Variants in UBAC2 observed in about 807,000 individuals in gnomAD.
UBAC2 encodes UBA domain containing 2.
Under a neutral mutation model 44.0 loss-of-function variants are expected in UBAC2, and 26 were observed. The observed-to-expected ratio is 0.59, with a 90% confidence interval of 0.43 to 0.82. The LOEUF (loss-of-function observed/expected upper bound fraction) is 0.82, where lower values mean the gene tolerates loss of function less well. UBAC2 is among the 40% of genes least tolerant of loss of function. UBAC2 has a pLI of 0.00. For missense variants in UBAC2, 329 were observed against 419.4 expected, an observed-to-expected ratio of 0.78 and a Z score of 1.88; for synonymous variants, 155 against 154.3, an observed-to-expected ratio of 1.00 and a Z score of -0.04.
At chr13:99,227,820 CA>C (rs1049274650) in intron 1 of UBAC2, among the ~76,000 whole-genome samples, 41 of 152,260 alleles carry the variant, frequency 2.7e-4, no homozygotes, top group African/African-American at 9.1e-4. Flanking sequence ...AATACCAAAG[CA>C]AACCGTTCAT....
chr13:99,278,810 C>G (rs1447519486), intron 4 of UBAC2, among the ~76,000 whole-genome samples: 2 of 152,144 alleles, frequency 1.3e-5, no homozygotes, highest in South Asian at 2.1e-4. Context: ...ACTAAGAAAT[C>G]TGTCCAGGAA....
intron 1 of UBAC2, among the ~76,000 whole-genome samples, chr13:99,222,950 C>A (rs74895076): frequency 0.014 from 2,123 of 152,216 alleles, 53 homozygotes; most frequent in African/African-American, 0.049. Context: ...GTAGAATTCT[C>A]CCCTGAAGCC....
intron 1 of UBAC2, among the ~76,000 whole-genome samples, chr13:99,213,161 T>C (rs1455606092): frequency 6.6e-6 from 1 of 152,216 alleles, no homozygotes; most frequent in African/African-American, 2.4e-5. Flanking sequence ...ACATTTGATG[T>C]TCTTCCAACA....
At chr13:99,384,180 T>G (rs1024722465) in intron 8 of UBAC2, among the ~76,000 whole-genome samples, 1 of 152,114 alleles carries the variant, frequency 6.6e-6, no homozygotes, top group Admixed American at 6.5e-5. Flanking sequence ...CTCGCTCTCT[T>G]TCGGAAAGAA....
intron 1 of UBAC2, among the ~76,000 whole-genome samples, chr13:99,228,573 C>A (rs1404539939): frequency 6.6e-6 from 1 of 152,206 alleles, no homozygotes; most frequent in African/African-American, 2.4e-5. Flanking sequence ...GGATTATAGG[C>A]ATGAGCCACT....
At chr13:99,264,328 G>A (rs779604591) in intron 4 of UBAC2, among the ~76,000 whole-genome samples, 38 of 152,220 alleles carry the variant, frequency 2.5e-4, no homozygotes, top group Admixed American at 5.9e-4. Context: ...GGACCCACCA[G>A]CCTCTGGGAC....
chr13:99,320,686 C>A (rs2138782331), intron 6 of UBAC2, among the ~76,000 whole-genome samples: 1 of 152,240 alleles, frequency 6.6e-6, no homozygotes, highest in South Asian at 2.1e-4. Flanking sequence ...GGAACATTTT[C>A]TTTCTTTGTC....
At chr13:99,223,684 G>T (rs1443215361) in intron 1 of UBAC2, among the ~76,000 whole-genome samples, 2 of 150,158 alleles carry the variant, frequency 1.3e-5, no homozygotes, top group Non-Finnish European at 2.9e-5. Context: ...TTGCTTGGTT[G>T]TGCTTCATTT....
intron 4 of UBAC2, among the ~76,000 whole-genome samples, chr13:99,245,412 A>G (rs1594041636): frequency 6.6e-6 from 1 of 152,224 alleles, no homozygotes; most frequent in South Asian, 2.1e-4. Flanking sequence ...TTTGTAGACA[A>G]CCTGCCGTGG....
intron 4 of UBAC2, among the ~76,000 whole-genome samples, chr13:99,292,858 T>C (rs1001344720): frequency 6.6e-6 from 1 of 152,208 alleles, no homozygotes; most frequent in Non-Finnish European, 1.5e-5. Context: ...GTTGTGATTT[T>C]CAAACAGTAT....
intron 4 of UBAC2, among the ~76,000 whole-genome samples, chr13:99,297,687 A>T (rs1432647900): frequency 6.6e-6 from 1 of 152,132 alleles, no homozygotes; most frequent in Non-Finnish European, 1.5e-5. Flanking sequence ...GAAAAGAGAC[A>T]ATGGGAAAAA....
intron 6 of UBAC2, among the ~76,000 whole-genome samples, chr13:99,326,353 C>G (rs543391918): frequency 6.6e-6 from 1 of 152,056 alleles, no homozygotes; most frequent in South Asian, 2.1e-4. Context: ...GGAGAAATGT[C>G]TGTTTAGGTC....
intron 8 of UBAC2, among the ~76,000 whole-genome samples, chr13:99,378,517 ACT>A (rs1018004928): frequency 2.0e-5 from 3 of 152,114 alleles, no homozygotes; most frequent in South Asian, 2.1e-4. Context: ...ACTGAGCAAG[ACT>A]CTGTCTCAAA....
intron 4 of UBAC2, among the ~76,000 whole-genome samples, chr13:99,259,345 CTT>C (rs34537761): frequency 7.1e-6 from 1 of 141,002 alleles, no homozygotes; most frequent in African/African-American, 2.6e-5. Flanking sequence ...GGGGTCCATC[CTT>C]TTTTTTTTTT....
intron 4 of UBAC2, among the ~76,000 whole-genome samples, chr13:99,301,861 A>G (rs1260728332): frequency 1.3e-5 from 2 of 152,242 alleles, no homozygotes; most frequent in African/African-American, 4.8e-5. Flanking sequence ...TGGTGCTAGA[A>G]TAACAGCTTT....
At position 99,376,105 on chromosome 13, in the gene UBAC2, A is replaced by G. The variant is rs189858448; in HGVS notation, c.927+8199A>G. Reference sequence around the variant, plus strand: ...AAAAATAAAAAATAAGGAAAGAGAAACTGGTACAGATTTATTTCCATCTCT... The same window carrying G: ...AAAAATAAAAAATAAGGAAAGAGAAGCTGGTACAGATTTATTTCCATCTCT... On this transcript the variant is annotated intron_variant, in intron 8 of 8. Coordinates refer to ENST00000403766, the MANE Select transcript of UBAC2 (RefSeq NM_001144072.2). Among the ~76,000 whole-genome samples, 250 of 152,194 alleles carry G rather than the reference A, an allele frequency of 1.6e-3. 1 individual carries two copies. Among genetic ancestry groups the G allele is most frequent in the South Asian group, 8.1e-3 (39 of 4,820 alleles).
intron 8 of UBAC2, among the ~76,000 whole-genome samples, chr13:99,384,280 G>A (rs1477433488): frequency 6.6e-6 from 1 of 152,194 alleles, no homozygotes; most frequent in Admixed American, 6.5e-5. Flanking sequence ...GTACAAGACT[G>A]TTGACTTTGA....
chr13:99,237,631 A>T (rs551165077), intron 1 of UBAC2, among the ~76,000 whole-genome samples: 1 of 152,350 alleles, frequency 6.6e-6, no homozygotes, highest in Non-Finnish European at 1.5e-5. Flanking sequence ...GAAGAGAATA[A>T]TTCAGCCTAA....
chr13:99,314,791 TTCTTTGCCAATCCTCAGCGAATG>T (rs2044466516), intron 5 of UBAC2: 2 of 152,344 alleles, frequency 1.3e-5, no homozygotes, highest in African/African-American at 4.8e-5. Context: ...TTTGAAAAGC[TTCTTTGCCAATCCTCAGCGAATG>T]TCAATTGCTC....
Sources: allele counts gnomAD v4.1 joint callset (sites outside exome capture counted in the v4.1 genomes callset), GRCh38; gene constraint gnomAD v4.1.1; transcripts MANE v1.5; gene names NCBI Gene and HGNC (gene_info 2026-07-23, HGNC 2026-07-21).